CAMK4: variants seen among roughly 807,000 people sequenced by gnomAD.
The protein encoded by CAMK4 is calcium/calmodulin dependent protein kinase IV.
A neutral mutation model predicts 44.9 loss-of-function variants in CAMK4; 22 were observed. The ratio of observed to expected loss-of-function variants is 0.49; its 90% CI spans 0.35 to 0.70. The LOEUF is 0.70. CAMK4 is among the 30% of genes least tolerant of loss of function. The probability of loss-of-function intolerance (pLI) is 0.01; values close to 1 mark genes in which losing one functional copy is unlikely to be tolerated. For synonymous variants in CAMK4, 218 were observed against 215.4 expected (o/e 1.01, Z -0.11); for missense variants, 498 against 586.8 (o/e 0.85, Z 1.56).
intron 4 of CAMK4, among the ~76,000 whole-genome samples, chr5:111,377,574 T>C (rs1005193513): frequency 6.6e-5 from 10 of 152,058 alleles, no homozygotes; most frequent in African/African-American, 2.4e-4. Context: ...TGCAAACTAT[T>C]TGTACAAGAC....
intron 1 of CAMK4, among the ~76,000 whole-genome samples, chr5:111,238,689 A>C (rs541229162): frequency 6.7e-6 from 1 of 148,920 alleles, no homozygotes; most frequent in Admixed American, 6.8e-5. Context: ...CTTCTTTCTC[A>C]GATGCCTGAC....
chr5:111,343,231 G>A (rs1054804354), intron 1 of CAMK4, among the ~76,000 whole-genome samples: 4 of 151,566 alleles, frequency 2.6e-5, no homozygotes, highest in African/African-American at 9.7e-5. Context: ...AATTCTTTGT[G>A]CTCACTTGGA....
chr5:111,349,611 T>C (rs894389114), intron 2 of CAMK4, among the ~76,000 whole-genome samples: 1 of 152,010 alleles, frequency 6.6e-6, no homozygotes, highest in East Asian at 1.9e-4. Context: ...CTGAGTTAAA[T>C]AGAATGCCAG....
At chr5:111,471,260 A>G (rs1203917029) in intron 7 of CAMK4, among the ~76,000 whole-genome samples, 1 of 152,236 alleles carries the variant, frequency 6.6e-6, no homozygotes, top group Non-Finnish European at 1.5e-5. Flanking sequence ...GTGTCAGCAG[A>G]ACTCACAGAT....
At chr5:111,413,185 A>T (rs1752689416) in intron 5 of CAMK4, among the ~76,000 whole-genome samples, 1 of 152,228 alleles carries the variant, frequency 6.6e-6, no homozygotes, top group Non-Finnish European at 1.5e-5. Flanking sequence ...CTAATGGGAA[A>T]TAAATATTTT....
chr5:111,421,807 G>A (rs1201667464), intron 5 of CAMK4, among the ~76,000 whole-genome samples: 1 of 152,180 alleles, frequency 6.6e-6, no homozygotes, highest in Non-Finnish European at 1.5e-5. Context: ...ATCCTCACGT[G>A]TCATGGGAGG....
chr5:111,309,152 G>A (rs1484847239), intron 1 of CAMK4, among the ~76,000 whole-genome samples: 1 of 152,182 alleles, frequency 6.6e-6, no homozygotes, highest in Non-Finnish European at 1.5e-5. Context: ...ACGGTCCAGG[G>A]CACCCTGAGG....
intron 7 of CAMK4, among the ~76,000 whole-genome samples, chr5:111,465,446 G>T (rs1214980769): frequency 6.6e-6 from 1 of 151,868 alleles, no homozygotes; most frequent in Non-Finnish European, 1.5e-5. Flanking sequence ...AATTAAAAAA[G>T]ATAACCATTA....
At chr5:111,330,089 A>T (rs1008150381) in intron 1 of CAMK4, among the ~76,000 whole-genome samples, 1 of 51,812 alleles carries the variant, frequency 1.9e-5, no homozygotes, top group African/African-American at 5.1e-5. Context: ...TCTACTCCCC[A>T]CCACCCCTAC....
At position 111,349,026 on chromosome 5, in the gene CAMK4, T is replaced by C. The variant is rs181408830; in HGVS notation, c.240+4924T>C. On this transcript the variant is annotated intron_variant, in intron 2 of 10. Transcript: ENST00000282356. ...TCCATTTGTCTCATTGTGCCATTAA[T>C]GAGGATAAAGCTTTCATGGTGTTAA... is the stretch of plus-strand genomic sequence containing the variant. Among the ~76,000 whole-genome samples the C allele has an allele frequency of 9.9e-5, 15 of 152,154 alleles. No homozygotes were observed. In the East Asian group the frequency reaches 2.3e-3, roughly 24 times the overall value.
At chr5:111,239,656 C>T (rs1003157963) in intron 1 of CAMK4, among the ~76,000 whole-genome samples, 5 of 152,156 alleles carry the variant, frequency 3.3e-5, no homozygotes, top group Admixed American at 2.6e-4. Flanking sequence ...AGCTTCTCCA[C>T]CCATAAGAAG....
At chr5:111,453,175 G>C (rs1438818807) in intron 7 of CAMK4, among the ~76,000 whole-genome samples, 1 of 152,128 alleles carries the variant, frequency 6.6e-6, no homozygotes, top group Non-Finnish European at 1.5e-5. Flanking sequence ...AGCCAAAGAG[G>C]GGGTAGGATT....
chr5:111,384,477 C>T (rs1401722903), intron 4 of CAMK4, among the ~76,000 whole-genome samples: 1 of 152,178 alleles, frequency 6.6e-6, no homozygotes. Context: ...CTGGTGGCTA[C>T]AGTATCAGCT....
chr5:111,247,025 A>G (rs1432080589), intron 1 of CAMK4, among the ~76,000 whole-genome samples: 1 of 152,140 alleles, frequency 6.6e-6, no homozygotes, highest in East Asian at 1.9e-4. Flanking sequence ...TGTTTCCTGA[A>G]GAAGGTTATG....
At chr5:111,386,442 G>A (rs1253588442) in intron 4 of CAMK4, among the ~76,000 whole-genome samples, 1 of 152,016 alleles carries the variant, frequency 6.6e-6, no homozygotes, top group Non-Finnish European at 1.5e-5. Context: ...TGCGAGTGGT[G>A]GGCAGAGCAG....
intron 2 of CAMK4, among the ~76,000 whole-genome samples, chr5:111,360,182 T>C (rs990550989): frequency 2.0e-5 from 3 of 152,124 alleles, no homozygotes; most frequent in African/African-American, 7.2e-5. Context: ...TCTTAGTTTA[T>C]TCCTGTTTAA....
At chr5:111,258,652 A>G (rs943337563) in intron 1 of CAMK4, among the ~76,000 whole-genome samples, 1 of 151,866 alleles carries the variant, frequency 6.6e-6, no homozygotes, top group Non-Finnish European at 1.5e-5. Context: ...CCCACAACAC[A>G]TGGGAATTCT....
chr5:111,233,349 A>G (rs1748561670), intron 1 of CAMK4, among the ~76,000 whole-genome samples: 1 of 152,188 alleles, frequency 6.6e-6, no homozygotes, highest in Non-Finnish European at 1.5e-5. Flanking sequence ...ATCTACTGAA[A>G]CTGCTACAGT....
intron 7 of CAMK4, chr5:111,449,909 G>A (rs1168462234): frequency 6.6e-6 from 1 of 152,204 alleles, no homozygotes; most frequent in African/African-American, 2.4e-5. Flanking sequence ...TAAAATTGTT[G>A]TGATTATTGA....
Sources: gnomAD v4.1 joint callset for allele counts (sites outside exome capture counted in the v4.1 genomes callset) on GRCh38, gnomAD v4.1.1 for gene constraint, MANE v1.5 for transcripts, NCBI Gene and HGNC (gene_info 2026-07-23, HGNC 2026-07-21) for gene names.